Variants in RNASET2 observed in about 807,000 individuals in gnomAD.
RNASET2 encodes the protein ribonuclease 6.
In RNASET2, 28 loss-of-function variants were observed where a neutral mutation model predicts 33.9. The ratio of observed to expected loss-of-function variants is 0.83; its 90% CI spans 0.61 to 1.13. RNASET2 has a LOEUF of 1.13. Ranked by LOEUF, RNASET2 falls within the 50% of genes most tolerant of loss-of-function variation. RNASET2 has a pLI of 0.00. For synonymous variants in RNASET2, 123 were observed against 121.0 expected (o/e 1.02, Z -0.11); for missense variants, 330 against 319.9 (o/e 1.03, Z -0.24).
At chr6:166,942,749 G>A (rs1778721425) in intron 5 of RNASET2, among the ~76,000 whole-genome samples, 1 of 152,146 alleles carries the variant, frequency 6.6e-6, no homozygotes. Context: ...GCCGAGAAAA[G>A]TTTTAAAGCA....
intron 6 of RNASET2, chr6:166,938,466 C>T: frequency 3.9e-6 from 2 of 508,174 alleles, no homozygotes; most frequent in South Asian, 1.4e-5. Flanking sequence ...GAACCCTGGC[C>T]CACATCTCTT....
intron 4 of RNASET2, chr6:166,943,583 C>T: frequency 6.0e-6 from 2 of 335,272 alleles, no homozygotes; most frequent in South Asian, 4.8e-5. Flanking sequence ...GGGTTTAGGG[C>T]CAGCGGCTGC....
At chr6:166,940,002 G>A (rs998311013) in intron 5 of RNASET2, among the ~76,000 whole-genome samples, 1 of 152,216 alleles carries the variant, frequency 6.6e-6, no homozygotes, top group African/African-American at 2.4e-5. Flanking sequence ...AGCCCAGAAG[G>A]GCCAGGGGAC....
At chr6:166,956,052 G>T in intron 1 of RNASET2, 45 bp downstream of exon 1, 1 of 1,526,426 alleles carries the variant, frequency 6.6e-7, no homozygotes, top group Non-Finnish European at 8.9e-7. Flanking sequence ...AAAGCTCTAG[G>T]GCCCGGCTCC....
rs1285213280 is a variant in RNASET2, at chr6:166,938,986, C to T, written c.355G>A (p.Gly119Arg). Reference sequence around the variant, plus strand: ...GCATCCACCTGGGCGGCGCAGGTCCCATGCTTTTCCCACTCATGCTTCCTG... The same window carrying T: ...GCATCCACCTGGGCGGCGCAGGTCCTATGCTTTTCCCACTCATGCTTCCTG... Reference protein sequence around the residue: ...RFWKHEWEKHGTCAAQVDALN... With the variant: ...RFWKHEWEKHRTCAAQVDALN... Residue 119 changes from glycine to arginine, a missense_variant, in exon 6 of 9, where the codon GGG becomes AGG. Physicochemically the swap from Gly to Arg is moderately radical, Grantham distance 125. Coordinates refer to ENST00000508775, the MANE Select transcript of RNASET2 (RefSeq NM_003730.6). 6.2e-7 allele frequency: 1 copy of T among 1,613,190 alleles called. No homozygotes were observed. The highest frequency in any genetic ancestry group is 2.2e-5 in the East Asian group (1 of 44,892).
chr6:166,944,783 G>A (rs578029665), intron 4 of RNASET2, among the ~76,000 whole-genome samples: 5 of 151,808 alleles, frequency 3.3e-5, no homozygotes, highest in Admixed American at 2.0e-4. Flanking sequence ...CTGGGTTTCC[G>A]CCTTTCCCAG....
intron 5 of RNASET2, 33 bp from the exon 6 acceptor site, chr6:166,939,041 G>A (rs781490544): frequency 6.6e-7 from 1 of 1,516,982 alleles, no homozygotes; most frequent in South Asian, 1.1e-5. Context: ...CCACTTAAAA[G>A]TAGTGAAACA....
At chr6:166,942,410 C>T (rs987131229) in intron 5 of RNASET2, among the ~76,000 whole-genome samples, 1 of 152,158 alleles carries the variant, frequency 6.6e-6, no homozygotes, top group East Asian at 1.9e-4. Flanking sequence ...AATATTCTCT[C>T]CTGTCTGATA....
chr6:166,943,611 G>T (rs540465375), intron 4 of RNASET2: 105 of 357,654 alleles, frequency 2.9e-4, no homozygotes, highest in South Asian at 2.2e-3. Flanking sequence ...CACACTGGGT[G>T]GGACTTGCTC....
At chr6:166,943,946 C>G in intron 4 of RNASET2, 2 of 262,532 alleles carry the variant, frequency 7.6e-6, no homozygotes, top group South Asian at 3.5e-5. Context: ...CTGGTGAAAC[C>G]CTGTCTCTAC....
At position 166,923,719 on chromosome 6, in the gene RNASET2, C is replaced by T. The variant is rs1164052788; in HGVS notation, c.*5869G>A. ...GATAAGAAAACCCTCACTACTGCCCCTTCTATGGGAAACGTAGCTCATCCC... is the reference window on the plus strand; with the variant it reads ...GATAAGAAAACCCTCACTACTGCCCTTTCTATGGGAAACGTAGCTCATCCC... On this transcript the variant is annotated 3_prime_UTR_variant, in exon 9 of 9. Coordinates refer to ENST00000508775, the MANE Select transcript of RNASET2 (RefSeq NM_003730.6). 6.6e-6 allele frequency among the ~76,000 whole-genome samples: 1 copy of T among 152,234 alleles called. No individual in the cohort carries two copies. The highest frequency in any genetic ancestry group is 6.5e-5 in the Admixed American group (1 of 15,288).
rs371035469 is a variant in RNASET2, at chr6:166,944,785, C to T, written c.262-1696G>A. Among the ~76,000 whole-genome samples the T allele has an allele frequency of 2.0e-5, 3 of 152,080 alleles. No individual in the cohort carries two copies. In the East Asian group the frequency reaches 5.8e-4, roughly 29 times the overall value. ...AATCTCTCCACTCCTGGGTTTCCGC[C>T]TTTCCCAGCTGCAGGCACACATGCC... On this transcript the variant is annotated intron_variant, in intron 4 of 8. Transcript: ENST00000508775.
At chr6:166,934,800 A>G (rs1303629005) in intron 6 of RNASET2, 3 of 152,816 alleles carry the variant, frequency 2.0e-5, no homozygotes, top group African/African-American at 2.4e-5. Flanking sequence ...TGTTCACATG[A>G]CAATTTTATA....
Position 166,926,214 on chromosome 6 carries a change from C to T in RNASET2, c.*3374G>A, listed in dbSNP as rs1452842403. Among the ~76,000 whole-genome samples the T allele has an allele frequency of 1.3e-5, 2 of 151,884 alleles. No homozygotes were observed. Among genetic ancestry groups the T allele is most frequent in the Non-Finnish European group, 2.9e-5 (2 of 67,958 alleles). Reference sequence around the variant, plus strand: ...ATAAGCGGATGGTGATGTCATTCACCGAGATGGAGGCAAAAGTTTCGGTGG... The same window carrying T: ...ATAAGCGGATGGTGATGTCATTCACTGAGATGGAGGCAAAAGTTTCGGTGG... On this transcript the variant is annotated 3_prime_UTR_variant, in exon 9 of 9. Coordinates refer to ENST00000508775, the MANE Select transcript of RNASET2 (RefSeq NM_003730.6).
chr6:166,955,989 T>C (rs1367609020), intron 1 of RNASET2, 108 bp downstream of exon 1: 4 of 1,137,226 alleles, frequency 3.5e-6, no homozygotes, highest in South Asian at 1.3e-5. Flanking sequence ...CCCCAGTCGC[T>C]GCCCGGGGCT....
At chr6:166,930,832 C>G (rs533113074) in intron 8 of RNASET2, among the ~76,000 whole-genome samples, 1 of 150,116 alleles carries the variant, frequency 6.7e-6, no homozygotes, top group South Asian at 2.1e-4. Flanking sequence ...ATAGCACATG[C>G]CCACATGCAT....
At chr6:166,936,290 G>C (rs1275305638) in intron 6 of RNASET2, among the ~76,000 whole-genome samples, 1 of 152,132 alleles carries the variant, frequency 6.6e-6, no homozygotes, top group African/African-American at 2.4e-5. Context: ...CAATGGCAGG[G>C]CAGCACTGGG....
At chr6:166,938,197 T>G (rs986469806) in intron 6 of RNASET2, among the ~76,000 whole-genome samples, 3 of 152,196 alleles carry the variant, frequency 2.0e-5, no homozygotes, top group Non-Finnish European at 2.9e-5. Context: ...ACTGGTTTAT[T>G]ATGACCTCTT....
chr6:166,955,409 GCGCACACACACACACA>G (rs544174458), intron 1 of RNASET2: 26,042 of 668,290 alleles, frequency 0.039, 2,309 homozygotes, highest in African/African-American at 0.1. Flanking sequence ...ACACACACAC[GCGCACACACACACACA>G]CGCGGAGGGC....
Sources: allele counts gnomAD v4.1 joint callset (sites outside exome capture counted in the v4.1 genomes callset), GRCh38; gene constraint gnomAD v4.1.1; transcripts MANE v1.5; gene names NCBI Gene and HGNC (gene_info 2026-07-23, HGNC 2026-07-21).